Variants in PRRG1 observed in about 807,000 individuals in gnomAD.
The protein encoded by PRRG1 is transmembrane gamma-carboxyglutamic acid protein 1.
In PRRG1, 5 loss-of-function variants were observed where a neutral mutation model predicts 11.8. The ratio of observed to expected loss-of-function variants is 0.42; its 90% confidence interval spans 0.22 to 0.89. The LOEUF is 0.89. PRRG1 is among the 40% of genes least tolerant of loss of function. The probability of loss-of-function intolerance (pLI) is 0.28; values close to 1 mark genes in which losing one functional copy is unlikely to be tolerated. For synonymous variants in PRRG1, 66 were observed against 60.4 expected (o/e 1.09, Z -0.43); for missense variants, 155 against 166.1 (o/e 0.93, Z 0.37).
At chrX:37,428,127 G>A (rs1932792820) in intron 3 of PRRG1, among the ~76,000 whole-genome samples, 1 of 111,133 alleles carries the variant, frequency 9.0e-6, no homozygotes, top group South Asian at 3.9e-4. Context: ...GGGAATTCTG[G>A]GAGATACAAT....
chrX:37,420,661 G>A (rs1431489711), intron 2 of PRRG1, among the ~76,000 whole-genome samples: 3 of 63,793 alleles, frequency 4.7e-5, no homozygotes, highest in East Asian at 4.3e-4. Flanking sequence ...GAAAAACCCC[G>A]TCTATGCAAA....
intron 1 of PRRG1, among the ~76,000 whole-genome samples, chrX:37,364,338 T>C (rs1272676545): frequency 1.8e-5 from 2 of 112,095 alleles, no homozygotes; most frequent in African/African-American, 6.5e-5. Context: ...TGCAATCTGA[T>C]TATCATTTAT....
At chrX:37,420,312 C>T (rs1241474556) in intron 2 of PRRG1, among the ~76,000 whole-genome samples, 4 of 111,401 alleles carry the variant, frequency 3.6e-5, no homozygotes, top group African/African-American at 1.3e-4. Flanking sequence ...ACAAGGCTCC[C>T]CCCATCAATG....
intron 2 of PRRG1, among the ~76,000 whole-genome samples, chrX:37,406,624 A>G: frequency 9.0e-6 from 1 of 110,661 alleles, no homozygotes; most frequent in East Asian, 2.8e-4. Flanking sequence ...CTTGCTAGTA[A>G]CACAAAATAA....
chrX:37,384,237 C>G (rs1292042033), intron 1 of PRRG1, among the ~76,000 whole-genome samples: 1 of 111,387 alleles, frequency 9.0e-6, no homozygotes, highest in African/African-American at 3.3e-5. Flanking sequence ...GAGTTATATA[C>G]CGCTATATAA....
rs201343333 is a variant in PRRG1 at position 37,385,502 on chromosome X, T to TAA, written c.-41-20706_-41-20705dup. On this transcript the variant is annotated intron_variant, in intron 1 of 3. Coordinates refer to ENST00000378628, the MANE Select transcript of PRRG1 (RefSeq NM_001142395.2). The stretch of plus-strand genomic sequence containing the variant: ...AGATATATATGTGTATATATATATA[T>TAA]AATATAATTTTACAAAAGAGCAGTA... Among the ~76,000 whole-genome samples the TAA allele has an allele frequency of 6.3e-5, 7 of 110,326 alleles. No individual in the cohort carries two copies. In the East Asian group the frequency reaches 1.7e-3, roughly 27 times the overall value.
intron 2 of PRRG1, among the ~76,000 whole-genome samples, chrX:37,422,658 G>A (rs782116880): frequency 1.3e-4 from 15 of 111,834 alleles, no homozygotes; most frequent in African/African-American, 4.5e-4. Context: ...ACAAATGCAT[G>A]TATCATGTTC....
Position 37,453,612 on chromosome X carries a change from C to A in PRRG1, c.648C>A (p.Thr216=). The change falls in exon 4 of 4, where the codon ACC becomes ACA. Residue 216 remains threonine (T), a synonymous_variant. Coordinates refer to ENST00000378628, the MANE Select transcript of PRRG1 (RefSeq NM_001142395.2). ...TTCCTATGGTGCCTGTGGTCACCAC[C>A]ATCAAATGAAGCTGCAAACTTCTTT... ...SAIPMVPVVT[T]IK 8.6e-7 allele frequency: 1 copy of A among 1,162,035 alleles called. No individual in the cohort carries two copies. Among genetic ancestry groups the A allele is most frequent in the African/African-American group, 1.8e-5 (1 of 55,540 alleles).
intron 1 of PRRG1, among the ~76,000 whole-genome samples, chrX:37,379,429 A>G (rs1190873435): frequency 9.0e-6 from 1 of 110,834 alleles, no homozygotes; most frequent in Non-Finnish European, 1.9e-5. Flanking sequence ...AAATGTGTAT[A>G]AAACATAGGT....
intron 3 of PRRG1, among the ~76,000 whole-genome samples, chrX:37,438,283 G>A (rs1556392554): frequency 9.0e-6 from 1 of 110,679 alleles, no homozygotes; most frequent in African/African-American, 3.3e-5. Flanking sequence ...TTTGATAAAT[G>A]TATCCAGGCA....
chrX:37,387,905 T>TA (rs1931384531), intron 1 of PRRG1, among the ~76,000 whole-genome samples: 1 of 111,616 alleles, frequency 9.0e-6, no homozygotes, highest in Non-Finnish European at 1.9e-5. Context: ...GCCTGTAAAA[T>TA]AAAAAACAAC....
rs570975379 is a variant in PRRG1 at position 37,352,163 on chromosome X, T to C, written c.-42+2768T>C. The stretch of plus-strand genomic sequence containing the variant: ...TTGAGAAAATACCATGAACAAATGA[T>C]CACTTACTTTATAAAAGAATGGAAT... On this transcript the variant is annotated intron_variant, in intron 1 of 3. Transcript: ENST00000378628. 9.5e-4 allele frequency among the ~76,000 whole-genome samples: 107 copies of C among 112,477 alleles called. 1 individual carries two copies. The South Asian group carries it at 0.038, about 40-fold the overall frequency.
intron 3 of PRRG1, among the ~76,000 whole-genome samples, chrX:37,449,317 C>T (rs1921030253): frequency 8.9e-6 from 1 of 111,916 alleles, no homozygotes; most frequent in South Asian, 3.8e-4. Context: ...AAATCATCCA[C>T]TTCCCAACTT....
chrX:37,354,423 C>T (rs1340398618), intron 1 of PRRG1, among the ~76,000 whole-genome samples: 3 of 105,658 alleles, frequency 2.8e-5, no homozygotes, highest in Non-Finnish European at 5.8e-5. Flanking sequence ...GACAGAGTCT[C>T]ACTCTGTCGC....
chrX:37,376,571 A>ATATATATATATATATATATATG (rs1556372373), intron 1 of PRRG1, among the ~76,000 whole-genome samples: 3 of 82,807 alleles, frequency 3.6e-5, no homozygotes, highest in Non-Finnish European at 7.2e-5. Flanking sequence ...ATATATATAT[A>ATATATATATATATATATATATG]TGTGCTGAGG....
chrX:37,435,342 T>C (rs951400399), intron 3 of PRRG1, among the ~76,000 whole-genome samples: 1 of 111,141 alleles, frequency 9.0e-6, no homozygotes, highest in Non-Finnish European at 1.9e-5. Flanking sequence ...CATGACTGAA[T>C]GAAAAGGTGA....
At chrX:37,358,844 C>G (rs1001917860) in intron 1 of PRRG1, among the ~76,000 whole-genome samples, 1 of 111,761 alleles carries the variant, frequency 8.9e-6, no homozygotes, top group East Asian at 2.8e-4. Flanking sequence ...TCTTCCTATT[C>G]GTGAACATGG....
intron 1 of PRRG1, among the ~76,000 whole-genome samples, chrX:37,393,731 C>G (rs1452346509): frequency 8.9e-6 from 1 of 112,276 alleles, no homozygotes; most frequent in East Asian, 2.8e-4. Context: ...CCCATAGACT[C>G]TAAGCTCTAT....
intron 1 of PRRG1, among the ~76,000 whole-genome samples, chrX:37,351,460 A>G (rs1030156668): frequency 1.7e-4 from 18 of 107,598 alleles, no homozygotes; most frequent in African/African-American, 5.5e-4. Flanking sequence ...GCGCCACTGC[A>G]CTCCAGCCTG....
Sources: gnomAD v4.1 joint callset for allele counts (sites outside exome capture counted in the v4.1 genomes callset) on GRCh38, gnomAD v4.1.1 for gene constraint, MANE v1.5 for transcripts, NCBI Gene and HGNC (gene_info 2026-07-23, HGNC 2026-07-21) for gene names.